SNX29: variants seen among roughly 807,000 people sequenced by gnomAD.
SNX29 encodes the protein sorting nexin 29, also known as sorting nexin-29.
A neutral mutation model predicts 102.1 loss-of-function variants in SNX29; 78 were observed. That is an observed-to-expected ratio of 0.76 (90% confidence interval 0.64 to 0.92). The LOEUF (loss-of-function observed/expected upper bound fraction) is 0.92, where lower values mean the gene tolerates loss of function less well. Ranked by LOEUF, SNX29 falls within the 40% of genes least tolerant of loss-of-function variation. SNX29 has a pLI of 0.00. For synonymous variants in SNX29, 580 were observed against 414.5 expected (o/e 1.40, Z -4.85); for missense variants, 1,280 against 1,061.7 (o/e 1.21, Z -2.86).
intron 19 of SNX29, among the ~76,000 whole-genome samples, chr16:12,516,661 A>AC (rs1189070534): frequency 1.3e-5 from 2 of 152,132 alleles, no homozygotes; most frequent in African/African-American, 4.8e-5. Context: ...CTCCCGATAG[A>AC]CAAGACCTTT....
intron 14 of SNX29, among the ~76,000 whole-genome samples, chr16:12,275,443 C>A (rs74655964): frequency 0.017 from 2,614 of 152,348 alleles, 91 homozygotes; most frequent in African/African-American, 0.06. Flanking sequence ...TTTTGCTAAT[C>A]GCTTCTTAAA....
chr16:12,013,331 C>G (rs1243112661), intron 3 of SNX29, among the ~76,000 whole-genome samples: 1 of 150,048 alleles, frequency 6.7e-6, no homozygotes, highest in Non-Finnish European at 1.5e-5. Context: ...ACTGACAAAA[C>G]CTCAAAACAA....
chr16:12,424,007 A>G (rs2084963681), intron 18 of SNX29, among the ~76,000 whole-genome samples: 1 of 152,228 alleles, frequency 6.6e-6, no homozygotes, highest in Non-Finnish European at 1.5e-5. Context: ...GTGAAGTTCT[A>G]AGCATATTCT....
In SNX29 at chr16:12,199,652, G is replaced by C; in HGVS notation, c.1647G>C (p.Gln549His). Reference sequence around the variant, plus strand: ...TGAAGAAATATGTAGGAGCTGTCCAGATGCTGAAAAGAGAAGGTCAAACAG... The same window carrying C: ...TGAAGAAATATGTAGGAGCTGTCCACATGCTGAAAAGAGAAGGTCAAACAG... ...VQLKKYVGAV[Q>H]MLKREGQTAE... Residue 549 changes from glutamine to histidine, a missense_variant, in exon 14 of 21, where the codon CAG becomes CAC. Physicochemically the swap from Gln to His is conservative, Grantham distance 24. Coordinates refer to ENST00000566228, the MANE Select transcript of SNX29 (RefSeq NM_032167.5). The C allele has an allele frequency of 1.2e-6, 2 of 1,613,264 alleles. No homozygotes were observed. Among genetic ancestry groups the C allele is most frequent in the Non-Finnish European group, 1.7e-6 (2 of 1,179,554 alleles).
chr16:12,272,622 C>T lies in SNX29; in HGVS notation c.1679-5311C>T, dbSNP rs1212845812. 2.0e-5 allele frequency among the ~76,000 whole-genome samples: 3 copies of T among 152,198 alleles called. No individual in the cohort carries two copies. The East Asian group carries it at 5.8e-4, about 29-fold the overall frequency. On this transcript the variant is annotated intron_variant, in intron 14 of 20. Coordinates refer to ENST00000566228, the MANE Select transcript of SNX29 (RefSeq NM_032167.5). ...AGTTTACATATCACTAACATATAATCATAGTTTACACATAATTTTGTTTGT... is the reference window on the plus strand; with the variant it reads ...AGTTTACATATCACTAACATATAATTATAGTTTACACATAATTTTGTTTGT...
chr16:12,043,112 A>AGCTT, intron 5 of SNX29, 35 bp downstream of exon 5: 1 of 1,608,768 alleles, frequency 6.2e-7, no homozygotes, highest in African/African-American at 1.3e-5. Context: ...GATGGGATGG[A>AGCTT]GCAAGAGGTG....
chr16:12,378,843 G>T (rs753332332), intron 16 of SNX29, among the ~76,000 whole-genome samples: 3 of 152,144 alleles, frequency 2.0e-5, no homozygotes, highest in Admixed American at 2.0e-4. Flanking sequence ...AACAGCAGTC[G>T]CTGCAGTGTT....
intron 11 of SNX29, among the ~76,000 whole-genome samples, chr16:12,109,127 CAAAAAAAAAAAAAA>C (rs71139575): frequency 3.0e-5 from 1 of 33,314 alleles, no homozygotes; most frequent in African/African-American, 1.4e-4. Flanking sequence ...GGCGCTGTCT[CAAAAAAAAAAAAAA>C]AAAAAAAAAA....
chr16:12,140,556 A>G (rs2054834379), intron 13 of SNX29, among the ~76,000 whole-genome samples: 2 of 152,152 alleles, frequency 1.3e-5, no homozygotes. Context: ...TGCAGCCTGC[A>G]GATGTCCCTG....
intron 14 of SNX29, among the ~76,000 whole-genome samples, chr16:12,265,815 G>A (rs1401504948): frequency 6.6e-6 from 1 of 152,010 alleles, no homozygotes; most frequent in African/African-American, 2.4e-5. Context: ...CCTGAGCCTG[G>A]GGAGGTCGAG....
chr16:12,017,344 G>A (rs2056882102), intron 3 of SNX29, among the ~76,000 whole-genome samples: 2 of 152,146 alleles, frequency 1.3e-5, no homozygotes, highest in South Asian at 4.1e-4. Flanking sequence ...TTGGCCAACT[G>A]TATTTCACCC....
chr16:12,562,117 CTG>C (rs2078759403), intron 20 of SNX29, among the ~76,000 whole-genome samples: 1 of 152,162 alleles, frequency 6.6e-6, no homozygotes, highest in South Asian at 2.1e-4. Context: ...GTTCACTCTC[CTG>C]TGTGACCCCA....
intron 4 of SNX29, chr16:12,038,731 G>A (rs1277275080): frequency 2.0e-5 from 3 of 152,216 alleles, no homozygotes; most frequent in East Asian, 3.8e-4. Context: ...ACTTTAAAGC[G>A]TTCATGTAGA....
rs1430804268 is a variant in SNX29, at chr16:12,573,696, TG to T, written c.*5070del. 4.5e-6 allele frequency: 1 copy of T among 223,448 alleles called. No individual in the cohort carries two copies. The highest frequency in any genetic ancestry group is 2.2e-5 in the African/African-American group (1 of 44,758). The allele number at this position is 223,448 out of a possible 1,614,324, so 13.8% of individuals were successfully genotyped here. A position where few individuals can be genotyped will look rare whatever the true frequency, so the allele number is the denominator to read the frequency against. ...AGACAGAGGATGCCCTTGCAAAAAT[TG>T]GGACTGAGGACAGTAGCACACGGAA... On this transcript the variant is annotated 3_prime_UTR_variant, in exon 21 of 21. Transcript: ENST00000566228.
chr16:12,433,407 G>A (rs2085394413), intron 18 of SNX29, among the ~76,000 whole-genome samples: 1 of 152,056 alleles, frequency 6.6e-6, no homozygotes, highest in South Asian at 2.1e-4. Context: ...GAGGTGGGTG[G>A]ACCACCTGAG....
rs964331419 is a variant in SNX29, at chr16:12,572,562, G to A, written c.*3933G>A. On this transcript the variant is annotated 3_prime_UTR_variant, in exon 21 of 21. Transcript: ENST00000566228. Reference sequence around the variant, plus strand: ...CTGCGACACCATCTGGCTCCTCACAGGGAGGTCCAGCCATGTTCTCTGGGC... The same window carrying A: ...CTGCGACACCATCTGGCTCCTCACAAGGAGGTCCAGCCATGTTCTCTGGGC... 2 of 1,063,868 alleles carry A rather than the reference G, an allele frequency of 1.9e-6. No individual in the cohort carries two copies. Among genetic ancestry groups the A allele is most frequent in the Middle Eastern group, 4.2e-4 (1 of 2,390 alleles). The allele number at this position is 1,063,868 out of a possible 1,614,324, so 65.9% of individuals were successfully genotyped here.
At chr16:12,164,081 G>T (rs980134356) in intron 13 of SNX29, among the ~76,000 whole-genome samples, 1 of 152,138 alleles carries the variant, frequency 6.6e-6, no homozygotes, top group African/African-American at 2.4e-5. Flanking sequence ...AAAGCATTTT[G>T]GAGGTGCGGT....
chr16:12,473,524 C>T (rs996471604), intron 18 of SNX29, among the ~76,000 whole-genome samples: 5 of 152,188 alleles, frequency 3.3e-5, no homozygotes, highest in Non-Finnish European at 7.3e-5. Context: ...TGCAGCAGAG[C>T]AGCCTGCTGT....
intron 20 of SNX29, chr16:12,561,041 A>C (rs2078698024): frequency 4.5e-6 from 1 of 222,244 alleles, no homozygotes; most frequent in Non-Finnish European, 9.0e-6. Flanking sequence ...GACCCATTTC[A>C]AACCAAGAGG....
Sources: allele counts gnomAD v4.1 joint callset (sites outside exome capture counted in the v4.1 genomes callset), GRCh38; gene constraint gnomAD v4.1.1; transcripts MANE v1.5; gene names NCBI Gene and HGNC (gene_info 2026-07-23, HGNC 2026-07-21).